The following VPS13B variants were observed in gnomAD, a reference collection of about 807,000 sequenced individuals.
VPS13B encodes intermembrane lipid transfer protein VPS13B.
A neutral mutation model predicts 426.4 loss-of-function variants in VPS13B; 285 were observed. The ratio of observed to expected loss-of-function variants is 0.67; its 90% CI spans 0.61 to 0.74. The LOEUF (loss-of-function observed/expected upper bound fraction) is 0.74. Ranked by LOEUF, VPS13B falls within the 30% of genes least tolerant of loss-of-function variation. The pLI, the probability that VPS13B is intolerant of heterozygous loss-of-function variation, is 0.00. For missense variants in VPS13B, 4,537 were observed against 4,782.6 expected, an observed-to-expected ratio of 0.95 and a Z score of 1.51; for synonymous variants, 1,676 against 1,676.4, an observed-to-expected ratio of 1.00 and a Z score of 0.01.
chr8:99,854,108 C>G lies in VPS13B; in HGVS notation c.10719C>G (p.Ser3573Arg). The G allele has an allele frequency of 1.9e-6, 3 of 1,613,156 alleles. No homozygotes were observed. In the South Asian group the frequency reaches 3.3e-5, roughly 18 times the overall value. The change falls in exon 56 of 62, where the codon AGC becomes AGG. Residue 3573 changes from serine (S) to arginine (R), a missense_variant. Physicochemically the swap from Ser to Arg is moderately radical, Grantham distance 110. Transcript: ENST00000357162. ...LVIQPVNLLVSIHASLKLYIA... is the reference protein window; with the variant it reads ...LVIQPVNLLVRIHASLKLYIA... ...TCCAGCCAGTAAATTTGCTCGTCAG[C>G]ATCCACGCTTCCCTCAAGCTGTACA...
At chr8:99,125,781 T>C (rs536181467) in intron 8 of VPS13B, among the ~76,000 whole-genome samples, 2 of 152,314 alleles carry the variant, frequency 1.3e-5, no homozygotes, top group South Asian at 4.1e-4. Flanking sequence ...ATAAATTATA[T>C]TATGTATATT....
At chr8:99,309,789 T>C (rs145251326) in intron 19 of VPS13B, among the ~76,000 whole-genome samples, 122,573 of 152,138 alleles carry the variant, frequency 0.81, 49,872 homozygotes, top group South Asian at 0.89. Context: ...GCCATTTTCA[T>C]GATATTGATT....
intron 33 of VPS13B, among the ~76,000 whole-genome samples, chr8:99,640,049 G>GAAGAGAAAAGAAGAGAAAAGAAA (rs1299280170): frequency 2.0e-5 from 2 of 99,724 alleles, no homozygotes; most frequent in Non-Finnish European, 4.0e-5. Context: ...AGAAGAAGAA[G>GAAGAGAAAAGAAGAGAAAAGAAA]AGAAAAGAAA....
chr8:99,121,545 A>G lies in VPS13B; in HGVS notation c.1206+100A>G, dbSNP rs1002854504. 5.8e-6 allele frequency: 9 copies of G among 1,552,466 alleles called. No individual in the cohort carries two copies. The African/African-American group carries it at 1.1e-4, about 19-fold the overall frequency. On this transcript the variant is annotated intron_variant, in intron 8 of 61. Transcript: ENST00000357162. ...CTTTATTCAAGTTTGCTTTGCATTC[A>G]GTAGATGTGAGATAGAGTCTAACAG...
intron 6 of VPS13B, among the ~76,000 whole-genome samples, chr8:99,112,790 A>T (rs1344928964): frequency 6.6e-6 from 1 of 152,164 alleles, no homozygotes; most frequent in Non-Finnish European, 1.5e-5. Flanking sequence ...CTATTCTAGG[A>T]TGTGGTTATA....
At chr8:99,397,401 C>A (rs1436639018) in intron 21 of VPS13B, among the ~76,000 whole-genome samples, 3 of 152,180 alleles carry the variant, frequency 2.0e-5, no homozygotes, top group Non-Finnish European at 4.4e-5. Context: ...CCTCGGCGTT[C>A]CAAAGTGCTG....
chr8:99,142,142 G>A (rs1810463086), intron 12 of VPS13B, among the ~76,000 whole-genome samples: 3 of 152,068 alleles, frequency 2.0e-5, no homozygotes, highest in Admixed American at 2.0e-4. Context: ...TCCTTTGCAT[G>A]AAATAATGGA....
intron 40 of VPS13B, among the ~76,000 whole-genome samples, chr8:99,770,857 A>C (rs1044763182): frequency 1.3e-5 from 2 of 152,050 alleles, no homozygotes; most frequent in African/African-American, 4.8e-5. Flanking sequence ...AAGAGAGCAA[A>C]CAGAAGACAT....
chr8:99,821,602 T>C, intron 50 of VPS13B, 120 bp downstream of exon 50: 1 of 1,193,770 alleles, frequency 8.4e-7, no homozygotes. Flanking sequence ...AAACAATTTA[T>C]AACAGTACAT....
At chr8:99,835,377 G>T (rs1815334746) in intron 53 of VPS13B, 53 bp downstream of exon 53, 2 of 1,574,642 alleles carry the variant, frequency 1.3e-6, no homozygotes, top group Admixed American at 1.7e-5. Flanking sequence ...TTTTTTCTGG[G>T]ATTTTTTGAT....
chr8:99,570,090 T>A (rs1588504735), intron 31 of VPS13B, among the ~76,000 whole-genome samples: 1 of 152,190 alleles, frequency 6.6e-6, no homozygotes, highest in East Asian at 1.9e-4. Flanking sequence ...TGGAATGCTG[T>A]AATCTGTTTT....
In VPS13B at chr8:99,543,534, A is replaced by C. The variant is rs1032639254; in HGVS notation, c.4746-12916A>C. 2.1e-3 allele frequency among the ~76,000 whole-genome samples: 315 copies of C among 152,186 alleles called. 3 individuals are homozygous for C. The highest frequency in any genetic ancestry group is 9.2e-3 in the Admixed American group (140 of 15,296). On this transcript the variant is annotated intron_variant, in intron 30 of 61. Transcript: ENST00000357162. ...ATCAGAGTGAATAGGCAACCTACAA[A>C]ATGGGAGAAAATTTTTGCAACCTAC...
chr8:99,206,850 C>A (rs998399907), intron 17 of VPS13B, among the ~76,000 whole-genome samples: 4 of 151,920 alleles, frequency 2.6e-5, no homozygotes, highest in African/African-American at 9.7e-5. Flanking sequence ...TCCCCCAACA[C>A]CATCATGTCT....
At chr8:99,337,971 C>T (rs1193755207) in intron 19 of VPS13B, among the ~76,000 whole-genome samples, 2 of 152,026 alleles carry the variant, frequency 1.3e-5, no homozygotes, top group Non-Finnish European at 2.9e-5. Flanking sequence ...TTTCCCCATT[C>T]AGTGCCCTGG....
chr8:99,193,049 T>A lies in VPS13B; in HGVS notation c.2507T>A (p.Leu836Gln), dbSNP rs767247559. 10 of 1,613,448 alleles carry A rather than the reference T, an allele frequency of 6.2e-6. No homozygotes were observed. Among genetic ancestry groups the A allele is most frequent in the Non-Finnish European group, 7.6e-6 (9 of 1,179,762 alleles). Residue 836 changes from leucine to glutamine, a missense_variant, in exon 17 of 62, where the codon CTA (leucine) becomes CAA (glutamine). Coordinates refer to ENST00000357162, the MANE Select transcript of VPS13B (RefSeq NM_152564.5). The stretch of plus-strand genomic sequence containing the variant: ...GAAGCTTTGATAAATGAAATCTTCC[T>A]AAGTATAGGTAAGAGCACAGTCTTT... ...VIEALINEIF[L>Q]SIGVKSKNPL...
chr8:99,801,570 C>T (rs1014630668), intron 43 of VPS13B, among the ~76,000 whole-genome samples: 1 of 152,110 alleles, frequency 6.6e-6, no homozygotes, highest in African/African-American at 2.4e-5. Flanking sequence ...TTACTGTCAT[C>T]TTTTGTTCTA....
chr8:99,181,183 G>A (rs1812928725), intron 16 of VPS13B, among the ~76,000 whole-genome samples: 1 of 152,152 alleles, frequency 6.6e-6, no homozygotes, highest in Non-Finnish European at 1.5e-5. Context: ...ATACCAGTTA[G>A]CAATATGTAG....
intron 3 of VPS13B, among the ~76,000 whole-genome samples, chr8:99,084,609 C>G (rs1265342810): frequency 3.9e-5 from 6 of 152,330 alleles, no homozygotes; most frequent in Admixed American, 3.9e-4. Context: ...AATTTTCCCT[C>G]TACACACTGC....
intron 19 of VPS13B, among the ~76,000 whole-genome samples, chr8:99,360,736 G>C (rs535952086): frequency 6.6e-6 from 1 of 152,286 alleles, no homozygotes; most frequent in South Asian, 2.1e-4. Context: ...TAGCTAGTCT[G>C]TTACCTAAGA....
Sources: allele counts gnomAD v4.1 joint callset (sites outside exome capture counted in the v4.1 genomes callset), GRCh38; gene constraint gnomAD v4.1.1; transcripts MANE v1.5; gene names NCBI Gene and HGNC (gene_info 2026-07-23, HGNC 2026-07-21).